MTMR7: variants seen among roughly 807,000 people sequenced by gnomAD.
MTMR7 encodes the protein phosphatidylinositol-3-phosphate phosphatase MTMR7.
MTMR7 carries 76 observed loss-of-function variants against 81.2 expected under a neutral mutation model. That is an observed-to-expected ratio of 0.94 (90% confidence interval 0.78 to 1.13). MTMR7 has a LOEUF of 1.13. MTMR7 is among the 50% of genes most tolerant of loss of function. The pLI is 0.00. For missense variants in MTMR7, 1,044 were observed against 820.0 expected (o/e 1.27, Z -3.34); for synonymous variants, 372 against 289.8 (o/e 1.28, Z -2.88).
intron 6 of MTMR7, among the ~76,000 whole-genome samples, chr8:17,336,400 G>C (rs1044555458): frequency 2.6e-5 from 4 of 152,062 alleles, no homozygotes; most frequent in Admixed American, 1.3e-4. Context: ...ACGGCCACTG[G>C]ACACTGCCCT....
chr8:17,299,305 A>G lies in MTMR7; in HGVS notation c.*557T>C, dbSNP rs1366348599. On this transcript the variant is annotated 3_prime_UTR_variant, in exon 14 of 14. Transcript: ENST00000180173. The stretch of plus-strand genomic sequence containing the variant: ...AAAATATATGCTCCAAGGAAAAGTT[A>G]AAGTGATGATTATGCCTGAAAGATA... 1 of 152,414 alleles carries G rather than the reference A, an allele frequency of 6.6e-6. No homozygotes were observed. The highest frequency in any genetic ancestry group is 1.9e-4 in the East Asian group (1 of 5,202). 9.4% of individuals were successfully genotyped at this position (152,414 alleles called of 1,614,324 possible). A position where few individuals can be genotyped will look rare whatever the true frequency, so the allele number is the denominator to read the frequency against.
In MTMR7 at chr8:17,298,149, A is replaced by G. The variant is rs578198710; in HGVS notation, c.*1713T>C. ...TTTCTAAGAGTGGACAGCTCCAAGA[A>G]GGTTGTGAAGTGAGTTATGTTATGT... On this transcript the variant is annotated 3_prime_UTR_variant, in exon 14 of 14. Coordinates refer to ENST00000180173, the MANE Select transcript of MTMR7 (RefSeq NM_004686.5). 1 of 152,194 alleles carries G rather than the reference A, an allele frequency of 6.6e-6. No individual in the cohort carries two copies. The highest frequency in any genetic ancestry group is 1.9e-4 in the East Asian group (1 of 5,184). The allele number at this position is 152,194 out of a possible 1,614,324, so 9.4% of individuals were successfully genotyped here. A position where few individuals can be genotyped will look rare whatever the true frequency, so the allele number is the denominator to read the frequency against.
At chr8:17,311,457 G>T in intron 9 of MTMR7, 54 bp downstream of exon 9, 3 of 1,610,756 alleles carry the variant, frequency 1.9e-6, no homozygotes, top group African/African-American at 1.3e-5. Context: ...AAAAACAGGG[G>T]TCCATTCCTG....
intron 1 of MTMR7, among the ~76,000 whole-genome samples, chr8:17,384,759 A>T (rs1820877939): frequency 1.3e-5 from 2 of 152,252 alleles, no homozygotes; most frequent in African/African-American, 4.8e-5. Context: ...ATGAAGCTTC[A>T]GGAGTTTTTA....
intron 10 of MTMR7, 44 bp downstream of exon 10, chr8:17,309,233 T>A (rs1237447934): frequency 8.0e-7 from 1 of 1,244,800 alleles, no homozygotes; most frequent in Admixed American, 2.1e-5. Context: ...TCAGAAACAG[T>A]GCTTTTATTC....
intron 1 of MTMR7, among the ~76,000 whole-genome samples, chr8:17,375,979 C>G (rs922669437): frequency 1.3e-5 from 2 of 152,186 alleles, no homozygotes; most frequent in African/African-American, 4.8e-5. Context: ...ATTCACAACA[C>G]TGTATACACT....
At chr8:17,408,340 G>C (rs1423323046) in intron 1 of MTMR7, among the ~76,000 whole-genome samples, 1 of 54,212 alleles carries the variant, frequency 1.8e-5, no homozygotes, top group Non-Finnish European at 5.6e-5. Flanking sequence ...AGTGAGCCGA[G>C]ATTGCGCCAC....
chr8:17,302,647 G>A (rs1033819165), intron 12 of MTMR7, among the ~76,000 whole-genome samples: 6 of 136,852 alleles, frequency 4.4e-5, no homozygotes, highest in African/African-American at 1.6e-4. Flanking sequence ...TCTTAAACTT[G>A]CAGCTTTTAT....
intron 1 of MTMR7, among the ~76,000 whole-genome samples, chr8:17,399,827 T>C (rs1208680867): frequency 3.4e-5 from 5 of 145,378 alleles, no homozygotes; most frequent in South Asian, 4.3e-4. Context: ...GACAAATGTA[T>C]AAAGAAAACA....
chr8:17,373,013 C>T, intron 2 of MTMR7, 105 bp downstream of exon 2: 2 of 1,384,254 alleles, frequency 1.4e-6, no homozygotes, highest in Non-Finnish European at 9.9e-7. Context: ...AACATCCAGG[C>T]ACAAAAGCCC....
chr8:17,335,019 T>A (rs1819185243), intron 6 of MTMR7, among the ~76,000 whole-genome samples: 1 of 152,140 alleles, frequency 6.6e-6, no homozygotes, highest in South Asian at 2.1e-4. Flanking sequence ...GAGGGTCCAC[T>A]ACAACAGGCC....
intron 5 of MTMR7, among the ~76,000 whole-genome samples, chr8:17,343,686 T>C (rs1819471187): frequency 1.3e-5 from 2 of 152,248 alleles, no homozygotes; most frequent in Admixed American, 6.5e-5. Context: ...CTGTGGAATG[T>C]GGTCGATAAA....
intron 1 of MTMR7, among the ~76,000 whole-genome samples, chr8:17,411,934 T>C (rs1054324320): frequency 6.6e-6 from 1 of 152,242 alleles, no homozygotes; most frequent in African/African-American, 2.4e-5. Flanking sequence ...GGAGGAAGAA[T>C]GCCCTTGGCA....
chr8:17,366,167 T>C (rs897550988), intron 3 of MTMR7, among the ~76,000 whole-genome samples: 5 of 152,178 alleles, frequency 3.3e-5, no homozygotes, highest in Non-Finnish European at 7.4e-5. Flanking sequence ...TGCATCCGTA[T>C]ACAACCTTTG....
chr8:17,358,868 G>T (rs1819975971), intron 4 of MTMR7, among the ~76,000 whole-genome samples: 1 of 150,972 alleles, frequency 6.6e-6, no homozygotes, highest in Admixed American at 6.6e-5. Context: ...TATTCATATG[G>T]CAAAAAAAAG....
intron 1 of MTMR7, among the ~76,000 whole-genome samples, chr8:17,397,779 G>A (rs975553677): frequency 6.6e-6 from 1 of 152,186 alleles, no homozygotes; most frequent in African/African-American, 2.4e-5. Context: ...ACCCAGTGCT[G>A]TGCTGGCTTC....
chr8:17,392,077 G>A (rs976414625), intron 1 of MTMR7, among the ~76,000 whole-genome samples: 6 of 152,058 alleles, frequency 3.9e-5, no homozygotes, highest in East Asian at 1.9e-4. Flanking sequence ...ACCATCACAC[G>A]GACAAAGTCA....
intron 10 of MTMR7, among the ~76,000 whole-genome samples, chr8:17,307,943 C>T (rs1436216537): frequency 1.3e-4 from 20 of 151,758 alleles, no homozygotes; most frequent in Admixed American, 7.9e-4. Flanking sequence ...TGCTAAATGA[C>T]GAGTTAATGG....
intron 9 of MTMR7, among the ~76,000 whole-genome samples, chr8:17,310,241 G>T (rs2285272): frequency 0.54 from 82,247 of 151,744 alleles, 23,172 homozygotes; most frequent in East Asian, 0.74. Context: ...GCTCCAGCAA[G>T]CCTCCCTCCT....
Sources: gnomAD v4.1 joint callset for allele counts (sites outside exome capture counted in the v4.1 genomes callset) on GRCh38, gnomAD v4.1.1 for gene constraint, MANE v1.5 for transcripts, NCBI Gene and HGNC (gene_info 2026-07-23, HGNC 2026-07-21) for gene names.